LDB2: variants seen among roughly 807,000 people sequenced by gnomAD.
The protein encoded by LDB2 is LIM domain-binding protein 2.
LDB2 carries 12 observed loss-of-function variants against 44.3 expected under a neutral mutation model. The observed-to-expected ratio is 0.27, with a 90% CI of 0.17 to 0.44. The LOEUF (loss-of-function observed/expected upper bound fraction) is 0.44, where lower values mean the gene tolerates loss of function less well. Among genes scored for constraint, LDB2 ranks in the 20% least tolerant of loss-of-function variants. The pLI is 1.00. For missense variants in LDB2, 344 were observed against 473.5 expected (o/e 0.73, Z 2.54); for synonymous variants, 164 against 174.8 (o/e 0.94, Z 0.49).
At chr4:16,797,472 G>A (rs928126779) in intron 1 of LDB2, among the ~76,000 whole-genome samples, 18 of 151,998 alleles carry the variant, frequency 1.2e-4, no homozygotes, top group South Asian at 4.2e-4. Flanking sequence ...GCATTCTAAA[G>A]TAAAAAGTCT....
intron 1 of LDB2, among the ~76,000 whole-genome samples, chr4:16,816,673 A>T (rs1780990400): frequency 6.6e-6 from 1 of 151,986 alleles, no homozygotes; most frequent in Admixed American, 6.6e-5. Context: ...GGCTTCCCAA[A>T]GTGCTGGGAT....
chr4:16,850,158 T>C (rs1221719762), intron 1 of LDB2, among the ~76,000 whole-genome samples: 1 of 152,062 alleles, frequency 6.6e-6, no homozygotes, highest in East Asian at 1.9e-4. Context: ...AAGGAGAAAG[T>C]CGGCGGCGCT....
intron 5 of LDB2, among the ~76,000 whole-genome samples, chr4:16,513,476 G>A (rs772862177): frequency 6.6e-6 from 1 of 152,148 alleles, no homozygotes; most frequent in Non-Finnish European, 1.5e-5. Flanking sequence ...CTGAGACTAC[G>A]CCTTTTATCT....
intron 1 of LDB2, among the ~76,000 whole-genome samples, chr4:16,890,240 G>A (rs1052733159): frequency 6.6e-6 from 1 of 152,198 alleles, no homozygotes; most frequent in Non-Finnish European, 1.5e-5. Context: ...CCAGAGCAAG[G>A]AGTTTAGAGC....
intron 2 of LDB2, among the ~76,000 whole-genome samples, chr4:16,755,470 A>AGG (rs972134847): frequency 9.0e-6 from 1 of 111,148 alleles, no homozygotes; most frequent in African/African-American, 3.4e-5. Flanking sequence ...ATGTAGGAAT[A>AGG]GGGTGTGTGT....
intron 1 of LDB2, among the ~76,000 whole-genome samples, chr4:16,867,781 C>T (rs1715195453): frequency 6.6e-6 from 1 of 152,170 alleles, no homozygotes; most frequent in African/African-American, 2.4e-5. Context: ...CTCCAAGACA[C>T]TTCAAGACAA....
intron 2 of LDB2, among the ~76,000 whole-genome samples, chr4:16,684,069 C>T (rs543449894): frequency 1.3e-5 from 2 of 152,316 alleles, no homozygotes; most frequent in South Asian, 4.1e-4. Flanking sequence ...AGCCAGCTGG[C>T]AGCAACTACT....
At chr4:16,624,476 T>G (rs893976100) in intron 2 of LDB2, among the ~76,000 whole-genome samples, 1 of 152,378 alleles carries the variant, frequency 6.6e-6, no homozygotes, top group East Asian at 1.9e-4. Flanking sequence ...TTTTTTATTA[T>G]GTGCTCGTCA....
intron 5 of LDB2, among the ~76,000 whole-genome samples, chr4:16,531,869 G>A (rs768685312): frequency 2.0e-5 from 3 of 152,186 alleles, no homozygotes; most frequent in African/African-American, 7.2e-5. Context: ...CAGACATTGT[G>A]TAAGGAAATA....
chr4:16,773,124 T>G (rs1771069737), intron 1 of LDB2, among the ~76,000 whole-genome samples: 2 of 152,094 alleles, frequency 1.3e-5, no homozygotes, highest in South Asian at 4.1e-4. Flanking sequence ...AACATGTAAA[T>G]AAAGAAAGCC....
chr4:16,749,582 A>AG (rs1561091834), intron 2 of LDB2, among the ~76,000 whole-genome samples: 2 of 96,622 alleles, frequency 2.1e-5, no homozygotes, highest in African/African-American at 8.7e-5. Context: ...ATAAAAAAAT[A>AG]AAAAAAAATA....
chr4:16,829,845 G>A (rs961320349), intron 1 of LDB2, among the ~76,000 whole-genome samples: 2 of 152,122 alleles, frequency 1.3e-5, no homozygotes, highest in Admixed American at 6.5e-5. Flanking sequence ...GGTGGCTCAC[G>A]CCTGTAATCC....
At chr4:16,629,115 G>A (rs879623668) in intron 2 of LDB2, among the ~76,000 whole-genome samples, 4 of 152,220 alleles carry the variant, frequency 2.6e-5, no homozygotes, top group Admixed American at 6.5e-5. Context: ...AAACAAAGTG[G>A]CAGGGAAGCT....
chr4:16,570,621 G>T (rs564451247), intron 5 of LDB2, among the ~76,000 whole-genome samples: 1 of 151,716 alleles, frequency 6.6e-6, no homozygotes, highest in Non-Finnish European at 1.5e-5. Flanking sequence ...AAATGATGAG[G>T]TGTGAGAGAA....
chr4:16,542,913 A>C (rs1734347837), intron 5 of LDB2, among the ~76,000 whole-genome samples: 1 of 129,916 alleles, frequency 7.7e-6, no homozygotes, highest in Non-Finnish European at 1.6e-5. Flanking sequence ...TCCTAATGCT[A>C]TCCCTCCCCC....
intron 1 of LDB2, among the ~76,000 whole-genome samples, chr4:16,810,029 C>T (rs1414564560): frequency 7.2e-5 from 11 of 152,178 alleles, no homozygotes; most frequent in African/African-American, 9.7e-5. Context: ...GCTGGACATC[C>T]GTTCTGAGTG....
intron 2 of LDB2, among the ~76,000 whole-genome samples, chr4:16,715,647 C>T (rs1011919118): frequency 2.6e-5 from 4 of 152,160 alleles, no homozygotes; most frequent in Non-Finnish European, 5.9e-5. Context: ...CATTACATGA[C>T]TTTCACATAT....
chr4:16,692,490 G>A (rs1751026830), intron 2 of LDB2, among the ~76,000 whole-genome samples: 1 of 152,090 alleles, frequency 6.6e-6, no homozygotes, highest in Non-Finnish European at 1.5e-5. Context: ...AGGTACTGGT[G>A]CCCTGAACAT....
At position 16,694,822 on chromosome 4, in the gene LDB2, C is replaced by T. The variant is rs78590708; in HGVS notation, c.235+64336G>A. Among the ~76,000 whole-genome samples the T allele has an allele frequency of 1.2e-3, 184 of 152,252 alleles. 1 individual carries two copies. Among genetic ancestry groups the T allele is most frequent in the African/African-American group, 3.8e-3 (157 of 41,548 alleles). ...TTGTGGAGAGGATTTAAAGTGCAGA[C>T]GCAGGTAAACACAGGACAGTGCCAG... On this transcript the variant is annotated intron_variant, in intron 2 of 7. Transcript: ENST00000304523.
Sources: allele counts gnomAD v4.1 joint callset (sites outside exome capture counted in the v4.1 genomes callset), GRCh38; gene constraint gnomAD v4.1.1; transcripts MANE v1.5; gene names NCBI Gene and HGNC (gene_info 2026-07-23, HGNC 2026-07-21).